Variants in TRHDE observed in about 807,000 individuals in gnomAD.
TRHDE encodes thyrotropin-releasing hormone-degrading ectoenzyme.
A neutral mutation model predicts 125.7 loss-of-function variants in TRHDE; 72 were observed. The ratio of observed to expected loss-of-function variants is 0.57; its 90% CI spans 0.47 to 0.70. The LOEUF (loss-of-function observed/expected upper bound fraction) is 0.70, where lower values mean the gene tolerates loss of function less well. TRHDE is among the 30% of genes least tolerant of loss of function. The pLI, the probability that TRHDE is intolerant of heterozygous loss-of-function variation, is 0.00. For missense variants in TRHDE, 1,110 were observed against 1,327.1 expected, an observed-to-expected ratio of 0.84 and a Z score of 2.54; for synonymous variants, 509 against 509.1, an observed-to-expected ratio of 1.00 and a Z score of 0.00.
Position 72,663,130 on chromosome 12 carries a change from GTGCGC to G in TRHDE, c.3148_3152del (p.Arg1050GlufsTer34), listed in dbSNP as rs1874983381. 6.2e-7 allele frequency: 1 copy of G among 1,613,148 alleles called. No homozygotes were observed. Among genetic ancestry groups the G allele is most frequent in the Non-Finnish European group, 8.5e-7 (1 of 1,179,548 alleles). ...AGCTGTGGAAACTGTCGAAGCCAAT[GTGCGC>G]TGGAAAATGCTTTACCAAGACGAGC... On this transcript the variant is annotated frameshift_variant, in exon 19 of 19. Coordinates refer to ENST00000261180, the MANE Select transcript of TRHDE (RefSeq NM_013381.3). LOFTEE classifies it high-confidence loss of function.
chr12:72,240,305 TTA>T (rs56969276), intron 2 of TRHDE, among the ~76,000 whole-genome samples: 22,436 of 111,178 alleles, frequency 0.2, 3,383 homozygotes, highest in African/African-American at 0.43. Context: ...TTCTCACATT[TTA>T]TATATATATA....
rs73344418 is a variant in TRHDE, at chr12:72,429,827, A to G, written c.1316-39931A>G. ...GCCATTCATATATCTTTGGAGAAATATTTATTCAGATCTTTGTCAATTTTT... is the reference window on the plus strand; with the variant it reads ...GCCATTCATATATCTTTGGAGAAATGTTTATTCAGATCTTTGTCAATTTTT... On this transcript the variant is annotated intron_variant, in intron 3 of 18. Transcript: ENST00000261180. 9.8e-3 allele frequency among the ~76,000 whole-genome samples: 1,495 copies of G among 152,124 alleles called. 34 individuals are homozygous for G. Among genetic ancestry groups the G allele is most frequent in the African/African-American group, 0.034 (1,400 of 41,506 alleles).
In TRHDE at chr12:72,322,373, G is replaced by C. The variant is rs117661763; in HGVS notation, c.1188+35419G>C. 2.2e-4 allele frequency among the ~76,000 whole-genome samples: 34 copies of C among 152,162 alleles called. 1 individual carries two copies. The East Asian group carries it at 5.2e-3, about 23-fold the overall frequency. Reference sequence around the variant, plus strand: ...AAATGTAGTGCTTTAGTGCTATCTAGTGTTTCTCTGTGCAAGAAGGCTGCC... The same window carrying C: ...AAATGTAGTGCTTTAGTGCTATCTACTGTTTCTCTGTGCAAGAAGGCTGCC... On this transcript the variant is annotated intron_variant, in intron 2 of 18. Coordinates refer to ENST00000261180, the MANE Select transcript of TRHDE (RefSeq NM_013381.3).
chr12:72,135,860 T>C (rs1875972616), intron 2 of TRHDE, among the ~76,000 whole-genome samples: 1 of 151,552 alleles, frequency 6.6e-6, no homozygotes, highest in Non-Finnish European at 1.5e-5. Flanking sequence ...TTATTCTCTA[T>C]GATTTTTTTT....
At chr12:72,462,447 G>A (rs528403778) in intron 3 of TRHDE, among the ~76,000 whole-genome samples, 2 of 152,278 alleles carry the variant, frequency 1.3e-5, no homozygotes, top group South Asian at 4.1e-4. Flanking sequence ...TTGAACCTAA[G>A]GCCCTTTCCT....
chr12:72,337,214 C>G (rs376334420), intron 2 of TRHDE, among the ~76,000 whole-genome samples: 7 of 152,258 alleles, frequency 4.6e-5, no homozygotes, highest in African/African-American at 1.7e-4. Context: ...AGAGACAAGT[C>G]TCAGGAGTGT....
At chr12:72,411,078 C>T (rs190332373) in intron 3 of TRHDE, among the ~76,000 whole-genome samples, 1 of 151,898 alleles carries the variant, frequency 6.6e-6, no homozygotes, top group African/African-American at 2.4e-5. Flanking sequence ...TGGCAGGCAC[C>T]TGTAGTCCCA....
chr12:72,603,314 T>C (rs1484374349), intron 12 of TRHDE, among the ~76,000 whole-genome samples: 1 of 151,998 alleles, frequency 6.6e-6, no homozygotes, highest in Non-Finnish European at 1.5e-5. Context: ...AGGTATCCTG[T>C]GTGTTGGCGG....
rs1454892033 is a variant in TRHDE at position 72,635,453 on chromosome 12, G to T, written c.2675+13702G>T. On this transcript the variant is annotated intron_variant, in intron 15 of 18. Transcript: ENST00000261180. ...AAAATTTTCTCCCATTCTGTAGGTT[G>T]CCTGTTCACTCTGATGGTAGTTTCT... is the stretch of plus-strand genomic sequence containing the variant. Among the ~76,000 whole-genome samples, 26 of 152,150 alleles carry T rather than the reference G, an allele frequency of 1.7e-4. No homozygotes were observed. The South Asian group carries it at 5.0e-3, about 29-fold the overall frequency.
intron 17 of TRHDE, among the ~76,000 whole-genome samples, chr12:72,653,845 C>T (rs1417331459): frequency 6.6e-6 from 1 of 151,814 alleles, no homozygotes; most frequent in Admixed American, 6.6e-5. Flanking sequence ...TTAAATGTTC[C>T]CAGACAGTAA....
chr12:72,326,084 T>G (rs1869326793), intron 2 of TRHDE, among the ~76,000 whole-genome samples: 1 of 152,160 alleles, frequency 6.6e-6, no homozygotes, highest in Non-Finnish European at 1.5e-5. Flanking sequence ...TTCTTTTTCT[T>G]AACCACCAAC....
chr12:72,574,865 A>G (rs1458177495), intron 10 of TRHDE, among the ~76,000 whole-genome samples: 1 of 152,112 alleles, frequency 6.6e-6, no homozygotes, highest in Non-Finnish European at 1.5e-5. Context: ...TTACTGAATC[A>G]AATTAGTAGA....
chr12:72,355,472 A>G (rs867170279), intron 2 of TRHDE, among the ~76,000 whole-genome samples: 3 of 151,678 alleles, frequency 2.0e-5, no homozygotes, highest in Admixed American at 6.6e-5. Context: ...GACCTAGGCA[A>G]TACCATTCTG....
intron 2 of TRHDE, among the ~76,000 whole-genome samples, chr12:72,221,437 C>T (rs2139368139): frequency 6.6e-6 from 1 of 152,136 alleles, no homozygotes; most frequent in African/African-American, 2.4e-5. Flanking sequence ...TATTTATCTT[C>T]AGACCTTGAA....
Position 72,135,228 on chromosome 12 carries a change from C to T in TRHDE, n.279+29476C>T, listed in dbSNP as rs185130199. 2.6e-5 allele frequency among the ~76,000 whole-genome samples: 4 copies of T among 152,312 alleles called. 1 individual carries two copies. Among genetic ancestry groups the T allele is most frequent in the African/African-American group, 9.6e-5 (4 of 41,574 alleles). On this transcript the variant is annotated intron_variant and non_coding_transcript_variant, in intron 2 of 4. Transcript: ENST00000548156. ...ATCGGAATGACCAGGTCTCCATAGCCTCTTCAGCTTTGTCAATTCTCTTCT... is the reference window on the plus strand; with the variant it reads ...ATCGGAATGACCAGGTCTCCATAGCTTCTTCAGCTTTGTCAATTCTCTTCT...
chr12:72,163,381 T>C (rs2139329979), intron 2 of TRHDE, among the ~76,000 whole-genome samples: 1 of 152,358 alleles, frequency 6.6e-6, no homozygotes, highest in East Asian at 1.9e-4. Context: ...GTATCTTTAC[T>C]AACTTTATTG....
In TRHDE at chr12:72,663,191, A is replaced by G; in HGVS notation, c.3206A>G (p.His1069Arg). 1 of 1,605,402 alleles carries G rather than the reference A, an allele frequency of 6.2e-7. No homozygotes were observed. Among genetic ancestry groups the G allele is most frequent in the Non-Finnish European group, 8.5e-7 (1 of 1,176,252 alleles). The change falls in exon 19 of 19, where the codon CAC becomes CGC. Residue 1069 changes from histidine (H) to arginine (R), a missense_variant. His to Arg is a conservative substitution (Grantham distance 29). Coordinates refer to ENST00000261180, the MANE Select transcript of TRHDE (RefSeq NM_013381.3). Reference sequence around the variant, plus strand: ...CAATGGTTAGGAAAAGCTCTAAGACACTAATATATGTATCTTATAAACAAA... The same window carrying G: ...CAATGGTTAGGAAAAGCTCTAAGACGCTAATATATGTATCTTATAAACAAA... ...LFQWLGKALR[H>R] is the part of the protein sequence containing the mutation.
chr12:72,645,781 A>G (rs1874256287), intron 15 of TRHDE, among the ~76,000 whole-genome samples: 2 of 152,182 alleles, frequency 1.3e-5, no homozygotes, highest in Admixed American at 6.5e-5. Context: ...TTTCAGCAGA[A>G]ATCTTGCAAG....
chr12:72,520,304 G>A (rs989164343), intron 6 of TRHDE, among the ~76,000 whole-genome samples: 32 of 152,314 alleles, frequency 2.1e-4, no homozygotes, highest in Middle Eastern at 3.4e-3. Flanking sequence ...CTCCGTGGGC[G>A]TAAGACCCTC....
Sources: allele counts gnomAD v4.1 joint callset (sites outside exome capture counted in the v4.1 genomes callset), GRCh38; gene constraint gnomAD v4.1.1; transcripts MANE v1.5; gene names NCBI Gene and HGNC (gene_info 2026-07-23, HGNC 2026-07-21).